Variants in ANKRD31 observed in about 807,000 individuals in gnomAD.
The protein encoded by ANKRD31 is ankyrin repeat domain-containing protein 31.
A neutral mutation model predicts 186.0 loss-of-function variants in ANKRD31; 147 were observed. The observed-to-expected ratio is 0.79, with a 90% CI of 0.69 to 0.91. ANKRD31 has a LOEUF of 0.91. ANKRD31 is among the 40% of genes least tolerant of loss of function. The probability of loss-of-function intolerance (pLI) is 0.00; values close to 1 mark genes in which losing one functional copy is unlikely to be tolerated. For missense variants in ANKRD31, 1,986 were observed against 2,148.8 expected (o/e 0.92, Z 1.50); for synonymous variants, 673 against 736.4 (o/e 0.91, Z 1.39).
intron 15 of ANKRD31, among the ~76,000 whole-genome samples, chr5:75,140,286 AAAGGAAGGAAGGAAGGAAGG>A (rs55831869): frequency 0.076 from 10,731 of 140,916 alleles, 1,008 homozygotes; most frequent in African/African-American, 0.21. Flanking sequence ...AGAGAGAAAG[AAAGGAAGGAAGGAAGGAAGG>A]AAGGAAGGAA....
intron 10 of ANKRD31, among the ~76,000 whole-genome samples, chr5:75,175,146 G>A (rs528538411): frequency 1.4e-4 from 21 of 152,264 alleles, no homozygotes; most frequent in Middle Eastern, 3.4e-3. Flanking sequence ...ACCAAACACC[G>A]CATGTTCTCA....
At chr5:75,172,719 C>CA (rs1400813452) in intron 10 of ANKRD31, among the ~76,000 whole-genome samples, 1 of 152,156 alleles carries the variant, frequency 6.6e-6, no homozygotes, top group African/African-American at 2.4e-5. Flanking sequence ...AGACCAATAA[C>CA]AGGCTCTGAA....
chr5:75,073,868 T>A (rs538518256), intron 25 of ANKRD31, among the ~76,000 whole-genome samples: 206 of 152,230 alleles, frequency 1.4e-3, no homozygotes, highest in African/African-American at 3.7e-3. Flanking sequence ...TTTTAAAAAA[T>A]TTTTTTTAAA....
intron 10 of ANKRD31, among the ~76,000 whole-genome samples, chr5:75,178,159 T>G (rs576457767): frequency 9.2e-5 from 14 of 152,030 alleles, no homozygotes; most frequent in South Asian, 6.3e-4. Flanking sequence ...CATGGTAAAG[T>G]GATCAATTCA....
chr5:75,097,466 G>A (rs1233885521), intron 22 of ANKRD31, among the ~76,000 whole-genome samples: 1 of 152,158 alleles, frequency 6.6e-6, no homozygotes, highest in Non-Finnish European at 1.5e-5. Flanking sequence ...CTTCCTTTGA[G>A]AAGTGTCTGT....
rs1443724686 is a variant in ANKRD31 at position 75,084,282 on chromosome 5, A to T, written c.5565T>A (p.Pro1855=). ...EPNSVPQQYQ[P]CLPEVACLDD... is the part of the protein sequence containing the mutation. ...TTGTTCTGTACATACCTGGAAGACA[A>T]GGTTGATATTGCTGAGGTACTGAGT... is the stretch of plus-strand genomic sequence containing the variant. Residue 1855 remains proline (P), a synonymous_variant, in exon 24 of 26, where the codon CCT becomes CCA. Coordinates refer to ENST00000506364, the MANE Select transcript of ANKRD31 (RefSeq NM_001372053.1). The T allele has an allele frequency of 3.3e-6, 5 of 1,535,826 alleles. No homozygotes were observed. Among genetic ancestry groups the T allele is most frequent in the Non-Finnish European group, 4.4e-6 (5 of 1,145,768 alleles).
At chr5:75,107,491 AG>A in intron 21 of ANKRD31, 29 bp downstream of exon 21, 2 of 1,395,668 alleles carry the variant, frequency 1.4e-6, no homozygotes. Flanking sequence ...GAAACTCAAA[AG>A]CACTCTTTTT....
intron 1 of ANKRD31, among the ~76,000 whole-genome samples, chr5:75,232,226 G>C (rs1477402093): frequency 6.6e-6 from 1 of 152,030 alleles, no homozygotes; most frequent in African/African-American, 2.4e-5. Flanking sequence ...GTCCCTAAAA[G>C]GGTAAGTTTA....
intron 25 of ANKRD31, 60 bp downstream of exon 25, chr5:75,080,508 T>C: frequency 1.7e-6 from 2 of 1,162,988 alleles, no homozygotes; most frequent in Non-Finnish European, 2.4e-6. Flanking sequence ...ATTTGCACAA[T>C]ATGTAGAATC....
intron 3 of ANKRD31, among the ~76,000 whole-genome samples, chr5:75,220,535 G>T (rs1002483623): frequency 6.6e-6 from 1 of 151,756 alleles, no homozygotes; most frequent in Non-Finnish European, 1.5e-5. Context: ...CCAGCTACTC[G>T]GGAGGCTGAG....
chr5:75,148,482 A>G, intron 13 of ANKRD31, 94 bp downstream of exon 13: 1 of 845,568 alleles, frequency 1.2e-6, no homozygotes, highest in Non-Finnish European at 1.7e-6. Flanking sequence ...ATTATTACTA[A>G]AGCTTCAGCA....
chr5:75,233,147 C>A (rs1758057039), intron 1 of ANKRD31, among the ~76,000 whole-genome samples: 1 of 151,898 alleles, frequency 6.6e-6, no homozygotes, highest in Non-Finnish European at 1.5e-5. Flanking sequence ...ACTGCAACCT[C>A]CGCCTTCCAG....
chr5:75,136,063 G>A (rs74719230), intron 17 of ANKRD31, among the ~76,000 whole-genome samples: 20 of 151,462 alleles, frequency 1.3e-4, no homozygotes, highest in Admixed American at 9.2e-4. Flanking sequence ...CATAAAAACC[G>A]CAGAAAACCT....
chr5:75,153,899 G>A (rs1751997407), intron 12 of ANKRD31, among the ~76,000 whole-genome samples: 1 of 151,818 alleles, frequency 6.6e-6, no homozygotes, highest in African/African-American at 2.4e-5. Flanking sequence ...TAACCAAAGG[G>A]GATCATATCA....
At chr5:75,138,070 A>T (rs1750737279) in intron 16 of ANKRD31, 72 bp from the exon 17 acceptor site, 1 of 1,287,622 alleles carries the variant, frequency 7.8e-7, no homozygotes, top group Non-Finnish European at 1.0e-6. Context: ...CTGTATTACT[A>T]AGGTTTTGTT....
At chr5:75,073,131 C>T (rs1340016149) in intron 25 of ANKRD31, among the ~76,000 whole-genome samples, 1 of 152,060 alleles carries the variant, frequency 6.6e-6, no homozygotes, top group Non-Finnish European at 1.5e-5. Flanking sequence ...GGAAGTCTTG[C>T]TACAAAAGTT....
chr5:75,220,508 G>A (rs552368672), intron 3 of ANKRD31, among the ~76,000 whole-genome samples: 1 of 152,056 alleles, frequency 6.6e-6, no homozygotes, highest in East Asian at 1.9e-4. Flanking sequence ...CGAGCATGAT[G>A]GTGCATGCCT....
chr5:75,075,487 G>T (rs1744562183), intron 25 of ANKRD31, among the ~76,000 whole-genome samples: 1 of 152,136 alleles, frequency 6.6e-6, no homozygotes, highest in Non-Finnish European at 1.5e-5. Context: ...AGGAAACTGA[G>T]ACTTAAATTT....
intron 5 of ANKRD31, among the ~76,000 whole-genome samples, chr5:75,205,007 A>G (rs1756071079): frequency 6.6e-6 from 1 of 151,606 alleles, no homozygotes; most frequent in Non-Finnish European, 1.5e-5. Flanking sequence ...CTGAGACTAT[A>G]GGCATGAACC....
Sources: gnomAD v4.1 joint callset for allele counts (sites outside exome capture counted in the v4.1 genomes callset) on GRCh38, gnomAD v4.1.1 for gene constraint, MANE v1.5 for transcripts, NCBI Gene and HGNC (gene_info 2026-07-23, HGNC 2026-07-21) for gene names.